Variants in ZNF25 observed in about 807,000 individuals in gnomAD.
ZNF25 encodes the protein zinc finger protein 25, also known as zinc finger protein 25 (KOX 19).
A neutral mutation model predicts 30.9 loss-of-function variants in ZNF25; 21 were observed. The observed-to-expected ratio is 0.68, with a 90% CI of 0.48 to 0.98. The LOEUF (loss-of-function observed/expected upper bound fraction) is 0.98, where lower values mean the gene tolerates loss of function less well. Ranked by LOEUF, ZNF25 falls within the 50% of genes least tolerant of loss-of-function variation. ZNF25 has a pLI of 0.00. For synonymous variants in ZNF25, 169 were observed against 181.3 expected, an observed-to-expected ratio of 0.93 and a Z score of 0.55; for missense variants, 501 against 529.9, an observed-to-expected ratio of 0.95 and a Z score of 0.54.
intron 2 of ZNF25, among the ~76,000 whole-genome samples, chr10:37,966,100 T>G (rs1037751659): frequency 6.6e-6 from 1 of 152,096 alleles, no homozygotes; most frequent in African/African-American, 2.4e-5. Flanking sequence ...TTGGAGGGTA[T>G]TAGTGTGTTA....
At position 37,957,502 on chromosome 10, in the gene ZNF25, T is replaced by C. The variant is rs747594473; in HGVS notation, c.60A>G (p.Glu20=). 123 of 1,613,860 alleles carry C rather than the reference T, an allele frequency of 7.6e-5. No homozygotes were observed. Among genetic ancestry groups the C allele is most frequent in the Non-Finnish European group, 1.0e-4 (119 of 1,179,916 alleles). Reference sequence around the variant, plus strand: ...GAGCAGGGGTCAGTAACTTCCATTCTTCCTTGGTGAATTCCACAATAACAT... The same window carrying C: ...GAGCAGGGGTCAGTAACTTCCATTCCTCCTTGGTGAATTCCACAATAACAT... ...LKDVIVEFTK[E]EWKLLTPAQR... is the part of the protein sequence containing the mutation. The change falls in exon 3 of 6, where the codon GAA becomes GAG. Residue 20 remains glutamate, a synonymous_variant. Transcript: ENST00000302609.
At chr10:37,969,838 G>A (rs1197609342) in intron 2 of ZNF25, among the ~76,000 whole-genome samples, 2 of 152,164 alleles carry the variant, frequency 1.3e-5, no homozygotes, top group Non-Finnish European at 2.9e-5. Context: ...GGTTTCATTG[G>A]TGAATTCAAT....
chr10:37,956,833 T>G (rs1244795137), intron 4 of ZNF25, among the ~76,000 whole-genome samples, 187 bp downstream of exon 4: 1 of 149,602 alleles, frequency 6.7e-6, no homozygotes, highest in Non-Finnish European at 1.5e-5. Context: ...GAGAATTGCT[T>G]GAACCTGGGA....
intron 2 of ZNF25, among the ~76,000 whole-genome samples, chr10:37,962,041 C>T (rs1303521063): frequency 6.6e-6 from 1 of 151,602 alleles, no homozygotes; most frequent in Admixed American, 6.6e-5. Flanking sequence ...TCAAGACCAG[C>T]CTGGTCAACA....
intron 2 of ZNF25, among the ~76,000 whole-genome samples, chr10:37,969,988 A>T (rs1012442079): frequency 1.3e-5 from 2 of 152,166 alleles, no homozygotes. Context: ...CAGAAATGAC[A>T]ACTACAGTGG....
chr10:37,973,447 C>G (rs1280740093), intron 1 of ZNF25, among the ~76,000 whole-genome samples: 2 of 151,752 alleles, frequency 1.3e-5, no homozygotes, highest in Non-Finnish European at 2.9e-5. Flanking sequence ...AAAACCCTGT[C>G]TCCACTAAAA....
chr10:37,952,384 A>T lies in ZNF25; in HGVS notation c.1114T>A (p.Cys372Ser), dbSNP rs1333872989. The T allele has an allele frequency of 6.2e-7, 1 of 1,614,122 alleles. No homozygotes were observed. Among genetic ancestry groups the T allele is most frequent in the East Asian group, 2.2e-5 (1 of 44,880 alleles). The change falls in exon 6 of 6, where the codon TGC becomes AGC. Residue 372 changes from cysteine to serine, a missense_variant. Transcript: ENST00000302609. ...RKHTGEKPYE[C>S]TECGKSFAVN... ...GCAAAAGATTTGCCACATTCTGTGC[A>T]TTCATAGGGCTTCTCCCCTGTGTGT...
At chr10:37,963,216 G>A (rs555675206) in intron 2 of ZNF25, among the ~76,000 whole-genome samples, 17 of 151,810 alleles carry the variant, frequency 1.1e-4, no homozygotes, top group African/African-American at 3.6e-4. Flanking sequence ...TCTGCCTCCC[G>A]GGTTCAAGCA....
At chr10:37,958,238 T>C (rs2062649181) in intron 2 of ZNF25, among the ~76,000 whole-genome samples, 1 of 152,134 alleles carries the variant, frequency 6.6e-6, no homozygotes. Context: ...TGGTCACAAA[T>C]GGGGGTAATT....
In ZNF25 at chr10:37,953,760, T is replaced by C. The variant is rs1174873053; in HGVS notation, c.239-2A>G. On this transcript the variant is annotated splice_acceptor_variant, in intron 4 of 5. Transcript: ENST00000302609. LOFTEE classifies it high-confidence loss of function. Reference sequence around the variant, plus strand: ...GATCATGAATGCTCCATAGGTCTTCTACAAGGGAACCAAAAATGTAATACT... The same window carrying C: ...GATCATGAATGCTCCATAGGTCTTCCACAAGGGAACCAAAAATGTAATACT... 1 of 1,613,390 alleles carries C rather than the reference T, an allele frequency of 6.2e-7. No homozygotes were observed. The highest frequency in any genetic ancestry group is 8.5e-7 in the Non-Finnish European group (1 of 1,179,458).
intron 2 of ZNF25, among the ~76,000 whole-genome samples, chr10:37,963,915 C>T (rs1424696881): frequency 1.3e-5 from 2 of 152,048 alleles, no homozygotes; most frequent in Non-Finnish European, 2.9e-5. Context: ...GCAGAGGTTG[C>T]CGTGAGCCAA....
At chr10:37,966,458 A>C (rs1401047006) in intron 2 of ZNF25, among the ~76,000 whole-genome samples, 1 of 152,042 alleles carries the variant, frequency 6.6e-6, no homozygotes, top group Admixed American at 6.6e-5. Flanking sequence ...TAATTTACAA[A>C]GAAAAGAGGT....
At chr10:37,969,624 G>A (rs931499541) in intron 2 of ZNF25, among the ~76,000 whole-genome samples, 5 of 152,158 alleles carry the variant, frequency 3.3e-5, no homozygotes, top group African/African-American at 1.2e-4. Flanking sequence ...AGAGAACAGG[G>A]AATGACTGCT....
At chr10:37,960,635 A>AC (rs1554887525) in intron 2 of ZNF25, among the ~76,000 whole-genome samples, 1 of 148,388 alleles carries the variant, frequency 6.7e-6, no homozygotes, top group Non-Finnish European at 1.5e-5. Flanking sequence ...AAAAAAAAAA[A>AC]AAAAAAAAAC....
chr10:37,970,512 T>C (rs751432721), intron 2 of ZNF25, among the ~76,000 whole-genome samples: 2 of 152,220 alleles, frequency 1.3e-5, no homozygotes, highest in African/African-American at 4.8e-5. Flanking sequence ...CCATAGTTTA[T>C]ACCATCCTTA....
intron 2 of ZNF25, among the ~76,000 whole-genome samples, chr10:37,968,382 G>A (rs571464656): frequency 1.2e-3 from 180 of 145,300 alleles, no homozygotes; most frequent in Admixed American, 2.7e-3. Flanking sequence ...TTAAGACAGA[G>A]TCTTGCTCTG....
At chr10:37,974,823 G>A (rs945362150) in intron 1 of ZNF25, among the ~76,000 whole-genome samples, 1 of 152,010 alleles carries the variant, frequency 6.6e-6, no homozygotes, top group African/African-American at 2.4e-5. Context: ...CATTTTTATC[G>A]CAGCACTATT....
At chr10:37,959,326 A>T (rs1311789163) in intron 2 of ZNF25, among the ~76,000 whole-genome samples, 1 of 152,190 alleles carries the variant, frequency 6.6e-6, no homozygotes, top group African/African-American at 2.4e-5. Context: ...TATGAAAGCA[A>T]CAGCAGTGGG....
chr10:37,974,215 G>A (rs541067613), intron 1 of ZNF25, among the ~76,000 whole-genome samples: 15 of 152,186 alleles, frequency 9.9e-5, no homozygotes, highest in African/African-American at 3.1e-4. Flanking sequence ...CATTGTTCTC[G>A]GCAAAAATTT....
Sources: allele counts gnomAD v4.1 joint callset (sites outside exome capture counted in the v4.1 genomes callset), GRCh38; gene constraint gnomAD v4.1.1; transcripts MANE v1.5; gene names NCBI Gene and HGNC (gene_info 2026-07-23, HGNC 2026-07-21).